Variants in PREX2 observed in about 807,000 individuals in gnomAD.
PREX2 encodes the protein phosphatidylinositol-3,4,5-trisphosphate dependent Rac exchange factor 2, also known as phosphatidylinositol 3,4,5-trisphosphate-dependent Rac exchanger 2 protein.
PREX2 carries 107 observed loss-of-function variants against 203.2 expected under a neutral mutation model. The ratio of observed to expected loss-of-function variants is 0.53; its 90% CI spans 0.45 to 0.62. The LOEUF is 0.62. Ranked by LOEUF, PREX2 falls within the 20% of genes least tolerant of loss-of-function variation. PREX2 has a pLI of 0.00. For synonymous variants in PREX2, 672 were observed against 663.6 expected, an observed-to-expected ratio of 1.01 and a Z score of -0.19; for missense variants, 1,777 against 1,955.9, an observed-to-expected ratio of 0.91 and a Z score of 1.72.
chr8:68,117,837 T>G (rs1810687821), intron 26 of PREX2, among the ~76,000 whole-genome samples: 1 of 152,190 alleles, frequency 6.6e-6, no homozygotes, highest in African/African-American at 2.4e-5. Context: ...GCTCAGAGTG[T>G]AACCAATAAG....
At chr8:68,070,374 A>T (rs546236914) in intron 13 of PREX2, among the ~76,000 whole-genome samples, 6 of 151,968 alleles carry the variant, frequency 3.9e-5, no homozygotes, top group Admixed American at 2.6e-4. Flanking sequence ...GTTAATAAGT[A>T]TAATTTTATA....
chr8:68,069,443 T>G (rs932170203), intron 12 of PREX2, among the ~76,000 whole-genome samples: 1 of 151,464 alleles, frequency 6.6e-6, no homozygotes, highest in African/African-American at 2.4e-5. Flanking sequence ...AAAATACAAA[T>G]GTGTAAAATA....
chr8:68,113,459 T>C (rs1256948993), intron 25 of PREX2, among the ~76,000 whole-genome samples: 1 of 152,166 alleles, frequency 6.6e-6, no homozygotes, highest in African/African-American at 2.4e-5. Flanking sequence ...GTTTTAATCT[T>C]TTGGGTGGAG....
In PREX2 at chr8:68,099,707, A is replaced by C; in HGVS notation, c.2579A>C (p.Asp860Ala). The C allele has an allele frequency of 6.2e-7, 1 of 1,613,856 alleles. No individual in the cohort carries two copies. Among genetic ancestry groups the C allele is most frequent in the South Asian group, 1.1e-5 (1 of 91,070 alleles). Reference protein sequence around the residue: ...AKILEALAKSDEHFVQNCTSL... With the variant: ...AKILEALAKSAEHFVQNCTSL... ...ATTCTTGAAGCCCTGGCTAAAAGTG[A>C]TGAGCATTTTGTACAAAACTGTACC... The change falls in exon 23 of 40, where the codon GAT becomes GCT. Residue 860 changes from aspartate to alanine, a missense_variant. By Grantham distance (126) the Asp-to-Ala change is moderately radical (BLOSUM62 -2). Coordinates refer to ENST00000288368, the MANE Select transcript of PREX2 (RefSeq NM_024870.4).
chr8:67,965,548 C>T (rs1346001207), intron 1 of PREX2, among the ~76,000 whole-genome samples: 3 of 151,244 alleles, frequency 2.0e-5, no homozygotes, highest in Admixed American at 6.6e-5. Flanking sequence ...TATATATATA[C>T]ACACACACTG....
At chr8:68,056,927 A>C (rs1255098116) in intron 10 of PREX2, among the ~76,000 whole-genome samples, 1 of 152,162 alleles carries the variant, frequency 6.6e-6, no homozygotes, top group Non-Finnish European at 1.5e-5. Context: ...GGTAGAGTTT[A>C]CCTACAGTGC....
At chr8:68,090,852 T>C in intron 20 of PREX2, 137 bp downstream of exon 20, 3 of 581,672 alleles carry the variant, frequency 5.2e-6, no homozygotes, top group South Asian at 6.8e-5. Context: ...ATAAATCTCA[T>C]AATGATTGCT....
At chr8:68,028,849 A>G (rs1807804250) in intron 5 of PREX2, among the ~76,000 whole-genome samples, 1 of 152,038 alleles carries the variant, frequency 6.6e-6, no homozygotes, top group Non-Finnish European at 1.5e-5. Flanking sequence ...CTGATTAGGG[A>G]TGAACTCAGG....
At chr8:68,060,591 T>G in intron 10 of PREX2, 88 bp from the exon 11 acceptor site, 1 of 801,456 alleles carries the variant, frequency 1.2e-6, no homozygotes. Context: ...GAGATTCCTT[T>G]CATCATTGCT....
At chr8:68,064,984 C>A (rs1019922220) in intron 11 of PREX2, among the ~76,000 whole-genome samples, 1 of 152,184 alleles carries the variant, frequency 6.6e-6, no homozygotes, top group Non-Finnish European at 1.5e-5. Flanking sequence ...GGTTCTCTCA[C>A]ACAGTTATTT....
intron 1 of PREX2, among the ~76,000 whole-genome samples, chr8:67,984,835 G>A (rs1448781463): frequency 6.6e-6 from 1 of 152,154 alleles, no homozygotes; most frequent in Non-Finnish European, 1.5e-5. Context: ...TCCCAGAAGA[G>A]GAAATGCTGA....
chr8:68,053,780 G>T (rs1031243452), intron 9 of PREX2, among the ~76,000 whole-genome samples: 1 of 152,122 alleles, frequency 6.6e-6, no homozygotes, highest in Non-Finnish European at 1.5e-5. Context: ...AAATTGTTAG[G>T]TCTTTGAATA....
At chr8:68,076,005 A>G (rs1371583753) in intron 14 of PREX2, among the ~76,000 whole-genome samples, 3 of 152,212 alleles carry the variant, frequency 2.0e-5, no homozygotes, top group Non-Finnish European at 4.4e-5. Flanking sequence ...CAAGTTGCCT[A>G]CAGCAAGAGG....
At chr8:68,131,400 A>G (rs80123098) in intron 31 of PREX2, among the ~76,000 whole-genome samples, 4 of 152,218 alleles carry the variant, frequency 2.6e-5, no homozygotes, top group Admixed American at 1.3e-4. Flanking sequence ...ACAGAAAATT[A>G]TCTCATGAAA....
intron 26 of PREX2, among the ~76,000 whole-genome samples, 175 bp downstream of exon 26, chr8:68,116,107 A>T (rs551575699): frequency 6.6e-6 from 1 of 152,234 alleles, no homozygotes; most frequent in Non-Finnish European, 1.5e-5. Context: ...TAATATTTCA[A>T]ATCCTTCCCT....
chr8:68,171,646 T>A (rs1191777024), intron 35 of PREX2, among the ~76,000 whole-genome samples: 1 of 152,160 alleles, frequency 6.6e-6, no homozygotes, highest in African/African-American at 2.4e-5. Flanking sequence ...TGTCGGCACA[T>A]CTCCCCATCC....
In PREX2 at chr8:68,108,139, C is replaced by A. The variant is rs1297584398; in HGVS notation, c.2746C>A (p.Pro916Thr). ...FSRVLKNRAWPTFKQAKSKIS... is the reference protein window; with the variant it reads ...FSRVLKNRAWTTFKQAKSKIS... ...TCGTGTACTGAAGAATAGGGCCTGGCCTACTTTTAAACAGGCCAAATCTAA... is the reference window on the plus strand; with the variant it reads ...TCGTGTACTGAAGAATAGGGCCTGGACTACTTTTAAACAGGCCAAATCTAA... The change falls in exon 24 of 40, where the codon CCT becomes ACT. Residue 916 changes from proline to threonine, a missense_variant. Physicochemically the swap from Pro to Thr is conservative, Grantham distance 38. Coordinates refer to ENST00000288368, the MANE Select transcript of PREX2 (RefSeq NM_024870.4). The A allele has an allele frequency of 6.2e-7, 1 of 1,613,686 alleles. No individual in the cohort carries two copies. The highest frequency in any genetic ancestry group is 1.1e-5 in the South Asian group (1 of 91,038).
chr8:67,999,584 CGAG>C (rs1806879466), intron 1 of PREX2, among the ~76,000 whole-genome samples: 1 of 150,156 alleles, frequency 6.7e-6, no homozygotes, highest in Non-Finnish European at 1.5e-5. Flanking sequence ...CCAAAAAAAT[CGAG>C]GAGGAGAGAC....
At chr8:68,207,819 T>C (rs1289409416) in intron 37 of PREX2, among the ~76,000 whole-genome samples, 1 of 152,076 alleles carries the variant, frequency 6.6e-6, no homozygotes, top group Non-Finnish European at 1.5e-5. Context: ...CTCTTGCCCA[T>C]GTTCTTAATC....
Sources: gnomAD v4.1 joint callset for allele counts (sites outside exome capture counted in the v4.1 genomes callset) on GRCh38, gnomAD v4.1.1 for gene constraint, MANE v1.5 for transcripts, NCBI Gene and HGNC (gene_info 2026-07-23, HGNC 2026-07-21) for gene names.